PRKG1: variants seen among roughly 807,000 people sequenced by gnomAD.
PRKG1 encodes cGMP-dependent protein kinase 1.
In PRKG1, 35 loss-of-function variants were observed where a neutral mutation model predicts 88.1. That is an observed-to-expected ratio of 0.40 (90% CI 0.30 to 0.53). PRKG1 has a LOEUF of 0.53. Ranked by LOEUF, PRKG1 falls within the 20% of genes least tolerant of loss-of-function variation. The probability of loss-of-function intolerance (pLI) is 0.59; values close to 1 mark genes in which losing one functional copy is unlikely to be tolerated. For synonymous variants in PRKG1, 303 were observed against 292.5 expected, an observed-to-expected ratio of 1.04 and a Z score of -0.37; for missense variants, 540 against 839.8, an observed-to-expected ratio of 0.64 and a Z score of 4.41.
intron 1 of PRKG1, among the ~76,000 whole-genome samples, chr10:51,061,258 A>G (rs999804845): frequency 6.6e-6 from 1 of 152,186 alleles, no homozygotes; most frequent in African/African-American, 2.4e-5. Flanking sequence ...GCAAAAGAGC[A>G]TGTGCAGGGG....
chr10:50,999,454 C>T (rs1175403450), intron 1 of PRKG1, among the ~76,000 whole-genome samples: 1 of 152,160 alleles, frequency 6.6e-6, no homozygotes, highest in African/African-American at 2.4e-5. Context: ...CTTCAATTAT[C>T]CTCTCGGACT....
chr10:51,842,303 C>T lies in PRKG1; in HGVS notation c.698+37613C>T, dbSNP rs138536046. Among the ~76,000 whole-genome samples, 403 of 152,288 alleles carry T rather than the reference C, an allele frequency of 2.6e-3. 1 individual carries two copies. The highest frequency in any genetic ancestry group is 9.3e-3 in the African/African-American group (385 of 41,546). ...ATTGCTAAGGTAAAACAGTATGATA[C>T]TAATTGTATGAAGGTAATACTCTCA... On this transcript the variant is annotated intron_variant, in intron 4 of 17. Transcript: ENST00000373980.
intron 7 of PRKG1, among the ~76,000 whole-genome samples, chr10:52,086,962 A>T (rs999487322): frequency 6.6e-6 from 1 of 152,258 alleles, no homozygotes; most frequent in South Asian, 2.1e-4. Context: ...GCCCCTTATG[A>T]AACCATCAGA....
At chr10:52,165,074 T>C (rs1466623104) in intron 9 of PRKG1, among the ~76,000 whole-genome samples, 1 of 152,164 alleles carries the variant, frequency 6.6e-6, no homozygotes, top group African/African-American at 2.4e-5. Flanking sequence ...AAACCTTTGA[T>C]CCAAATTCTA....
At chr10:52,202,384 C>T (rs989920963) in intron 9 of PRKG1, among the ~76,000 whole-genome samples, 8 of 152,072 alleles carry the variant, frequency 5.3e-5, no homozygotes, top group Non-Finnish European at 8.8e-5. Context: ...CTTGCATCCC[C>T]GTGATAAAGC....
chr10:51,860,775 G>A (rs1185017483), intron 4 of PRKG1, among the ~76,000 whole-genome samples: 2 of 152,182 alleles, frequency 1.3e-5, no homozygotes, highest in Admixed American at 6.5e-5. Context: ...AGAATTGGAA[G>A]CAAGGATAGG....
At chr10:51,930,484 T>A (rs1842666548) in intron 5 of PRKG1, among the ~76,000 whole-genome samples, 1 of 135,202 alleles carries the variant, frequency 7.4e-6, no homozygotes, top group Non-Finnish European at 1.5e-5. Flanking sequence ...AAAAGAACCT[T>A]TTTTTTTCCT....
intron 5 of PRKG1, among the ~76,000 whole-genome samples, chr10:51,933,620 GTT>G (rs138778878): frequency 1.4e-5 from 2 of 145,756 alleles, no homozygotes; most frequent in Admixed American, 6.9e-5. Context: ...TTTTAGCCAA[GTT>G]TTTTTTTTTT....
intron 2 of PRKG1, among the ~76,000 whole-genome samples, chr10:51,420,146 G>A (rs560294331): frequency 6.6e-6 from 1 of 152,170 alleles, no homozygotes; most frequent in Non-Finnish European, 1.5e-5. Flanking sequence ...ACCTCAGGAA[G>A]CTTCCAGTCA....
intron 1 of PRKG1, among the ~76,000 whole-genome samples, chr10:51,150,636 A>T (rs1408155013): frequency 6.6e-6 from 1 of 152,088 alleles, no homozygotes; most frequent in Non-Finnish European, 1.5e-5. Flanking sequence ...TCCTATATTG[A>T]TTAGTTTCTT....
intron 3 of PRKG1, among the ~76,000 whole-genome samples, chr10:51,617,078 C>G (rs1159972354): frequency 6.6e-6 from 1 of 152,134 alleles, no homozygotes; most frequent in Non-Finnish European, 1.5e-5. Context: ...ATTGCACAGT[C>G]TCTCAGCAGC....
At chr10:51,902,038 G>A (rs774901843) in intron 4 of PRKG1, among the ~76,000 whole-genome samples, 8 of 152,100 alleles carry the variant, frequency 5.3e-5, no homozygotes, top group Admixed American at 3.9e-4. Context: ...TTGAGAATAT[G>A]AGTCTTCTAA....
intron 5 of PRKG1, among the ~76,000 whole-genome samples, chr10:52,021,973 G>A (rs904788654): frequency 2.0e-5 from 3 of 152,042 alleles, no homozygotes; most frequent in South Asian, 2.1e-4. Flanking sequence ...AACGTAACTT[G>A]TCATATAATT....
At chr10:51,737,768 A>G (rs983485679) in intron 3 of PRKG1, among the ~76,000 whole-genome samples, 1 of 127,442 alleles carries the variant, frequency 7.8e-6, no homozygotes, top group Admixed American at 8.0e-5. Flanking sequence ...TATTATTATT[A>G]TTATTATTTT....
chr10:51,342,304 C>T (rs1842020300), intron 2 of PRKG1, among the ~76,000 whole-genome samples: 1 of 152,084 alleles, frequency 6.6e-6, no homozygotes, highest in Admixed American at 6.5e-5. Context: ...AGGGGATTCT[C>T]ATTTTAAGAT....
intron 2 of PRKG1, among the ~76,000 whole-genome samples, chr10:51,404,530 G>A (rs894723405): frequency 6.6e-6 from 1 of 152,174 alleles, no homozygotes; most frequent in Non-Finnish European, 1.5e-5. Context: ...GTTGATCTGT[G>A]AATGCAAAAG....
chr10:52,045,130 G>A (rs1011692209), intron 5 of PRKG1, among the ~76,000 whole-genome samples: 1 of 151,980 alleles, frequency 6.6e-6, no homozygotes, highest in Non-Finnish European at 1.5e-5. Flanking sequence ...GTGGGAGCTA[G>A]TAAGAATCAA....
At chr10:51,866,546 T>A (rs923954028) in intron 4 of PRKG1, among the ~76,000 whole-genome samples, 3 of 152,172 alleles carry the variant, frequency 2.0e-5, no homozygotes, top group Non-Finnish European at 2.9e-5. Flanking sequence ...ATACCTCAGA[T>A]AATTTCTGGA....
At position 52,279,909 on chromosome 10, in the gene PRKG1, GA is replaced by G. The variant is rs931354046; in HGVS notation, c.1404-869del. Among the ~76,000 whole-genome samples, 357 of 142,988 alleles carry G rather than the reference GA, an allele frequency of 2.5e-3. 1 individual carries two copies. The highest frequency in any genetic ancestry group is 8.1e-3 in the African/African-American group (316 of 39,248). 93.8% of individuals were successfully genotyped at this position (142,988 alleles called of 152,430 possible). A position where few individuals can be genotyped will look rare whatever the true frequency, so the allele number is the denominator to read the frequency against. ...GGTTTATCTCTTTAAGAAGTACCAT[GA>G]AAAAAAAAAAGAAAAATAGTTAAAG... On this transcript the variant is annotated intron_variant, in intron 12 of 17. Transcript: ENST00000373980.
Sources: allele counts gnomAD v4.1 joint callset (sites outside exome capture counted in the v4.1 genomes callset), GRCh38; gene constraint gnomAD v4.1.1; transcripts MANE v1.5; gene names NCBI Gene and HGNC (gene_info 2026-07-23, HGNC 2026-07-21).